The following DNAH10 variants were observed in gnomAD, a reference collection of about 807,000 sequenced individuals.
The protein encoded by DNAH10 is dynein axonemal heavy chain 10.
A neutral mutation model predicts 506.6 loss-of-function variants in DNAH10; 348 were observed. The ratio of observed to expected loss-of-function variants is 0.69; its 90% CI spans 0.63 to 0.75. The LOEUF (loss-of-function observed/expected upper bound fraction) is 0.75, where lower values mean the gene tolerates loss of function less well. Ranked by LOEUF, DNAH10 falls within the 30% of genes least tolerant of loss-of-function variation. DNAH10 has a pLI of 0.00. For synonymous variants in DNAH10, 2,059 were observed against 2,198.6 expected (o/e 0.94, Z 1.78); for missense variants, 5,179 against 5,787.1 (o/e 0.89, Z 3.41).
intron 28 of DNAH10, 33 bp from the exon 29 acceptor site, chr12:123,838,423 C>T: frequency 6.3e-7 from 1 of 1,583,206 alleles, no homozygotes; most frequent in Non-Finnish European, 8.6e-7. Context: ...CCCTGCTCAC[C>T]CTGCTTGACG....
At chr12:123,782,164 T>C (rs1251479151) in intron 6 of DNAH10, among the ~76,000 whole-genome samples, 2 of 152,142 alleles carry the variant, frequency 1.3e-5, no homozygotes, top group Non-Finnish European at 2.9e-5. Context: ...GTTTGATTGA[T>C]AGTCATATCA....
rs1447821775 is a variant in DNAH10, at chr12:123,933,613, C to A, written c.13477+102C>A. ...CAGGCATAGCGTGGGCCTAAATGGGCCAGGCCATGTTTGAAAGCCAGCCTG... is the reference window on the plus strand; with the variant it reads ...CAGGCATAGCGTGGGCCTAAATGGGACAGGCCATGTTTGAAAGCCAGCCTG... On this transcript the variant is annotated intron_variant, in intron 77 of 78. Transcript: ENST00000673944. 7 of 1,368,448 alleles carry A rather than the reference C, an allele frequency of 5.1e-6. No homozygotes were observed. The South Asian group carries it at 8.8e-5, about 17-fold the overall frequency. The allele number at this position is 1,368,448 out of a possible 1,614,324, so 84.8% of individuals were successfully genotyped here.
chr12:123,845,920 C>T lies in DNAH10; in HGVS notation c.5630+51C>T, dbSNP rs370889326. ...ATTTCAAAAGGGACCCTTTGTGGTCCGCTGATCTGTCTCAACGGTTTCCAC... is the reference window on the plus strand; with the variant it reads ...ATTTCAAAAGGGACCCTTTGTGGTCTGCTGATCTGTCTCAACGGTTTCCAC... On this transcript the variant is annotated intron_variant, in intron 31 of 78. Coordinates refer to ENST00000673944, the MANE Select transcript of DNAH10 (RefSeq NM_001372106.1). 1.7e-3 allele frequency: 2,724 copies of T among 1,612,290 alleles called. 3 individuals are homozygous for T. The highest frequency in any genetic ancestry group is 2.2e-3 in the Non-Finnish European group (2,563 of 1,178,552).
chr12:123,870,557 G>A lies in DNAH10; in HGVS notation c.7639+72G>A. ...ACTCGCTCTAGGAGGAGGCAAAGAAGATCCCATGGCTTCTCTGGTACTCTA... is the reference window on the plus strand; with the variant it reads ...ACTCGCTCTAGGAGGAGGCAAAGAAAATCCCATGGCTTCTCTGGTACTCTA... On this transcript the variant is annotated intron_variant, in intron 44 of 78. Transcript: ENST00000673944. 4 of 1,544,220 alleles carry A rather than the reference G, an allele frequency of 2.6e-6. No individual in the cohort carries two copies. In the South Asian group the frequency reaches 4.8e-5, roughly 18 times the overall value.
intron 77 of DNAH10, chr12:123,934,005 GT>G: frequency 2.0e-6 from 1 of 501,838 alleles, no homozygotes; most frequent in Non-Finnish European, 3.5e-6. Flanking sequence ...TTGTCTTAGA[GT>G]TCTTTTAACT....
chr12:123,875,273 C>G lies in DNAH10; in HGVS notation c.7981C>G (p.Leu2661Val), dbSNP rs1952207544. The G allele has an allele frequency of 2.5e-6, 4 of 1,612,514 alleles. No individual in the cohort carries two copies. Among genetic ancestry groups the G allele is most frequent in the Non-Finnish European group, 3.4e-6 (4 of 1,179,202 alleles). ...GCAGCAGCCCATTGCCTTGCTGAAG[C>G]TGCTGTTGGAAAAAGGCTACTTATA... ...GTQQPIALLK[L>V]LLEKGYLYDR... The change falls in exon 47 of 79, where the codon CTG becomes GTG. Residue 2661 changes from leucine to valine, a missense_variant. Leu to Val is a conservative substitution (Grantham distance 32). Around this residue, in one of 3 missense-constraint regions of DNAH10, gnomAD observed 4,844 missense variants for 5,430.5 expected, o/e 0.89. Transcript: ENST00000673944.
rs371664390 is a variant in DNAH10 at position 123,835,539 on chromosome 12, C to T, written c.4902+11C>T. ...AAAGTATTTAAAAGGGCAAGTGACT[C>T]GCTTCTATTTTAGTAATGAAAGAAG... On this transcript the variant is annotated intron_variant, in intron 28 of 78. Coordinates refer to ENST00000673944, the MANE Select transcript of DNAH10 (RefSeq NM_001372106.1). The T allele has an allele frequency of 8.9e-5, 142 of 1,603,550 alleles. 1 individual carries two copies. In the Admixed American group the frequency reaches 1.2e-3, roughly 14 times the overall value.
At chr12:123,764,485 G>A (rs180994747) in intron 1 of DNAH10, among the ~76,000 whole-genome samples, 81 of 152,000 alleles carry the variant, frequency 5.3e-4, no homozygotes, top group African/African-American at 1.8e-3. Context: ...CTCGGGTTTC[G>A]TTTACATTAA....
Position 123,774,208 on chromosome 12 carries a change from G to C in DNAH10, c.565G>C (p.Glu189Gln). The C allele has an allele frequency of 1.9e-6, 3 of 1,611,750 alleles. No homozygotes were observed. Among genetic ancestry groups the C allele is most frequent in the Non-Finnish European group, 2.5e-6 (3 of 1,179,334 alleles). ...EAMEIMPETLEYGIINANVLH... is the reference protein window; with the variant it reads ...EAMEIMPETLQYGIINANVLH... ...TATGGAAATTATGCCAGAAACACTG[G>C]AGTATGGAATTATAAACGCTAATGT... Residue 189 changes from glutamate to glutamine, a missense_variant, in exon 5 of 79, where the codon GAG becomes CAG. Transcript: ENST00000673944.
At position 123,791,838 on chromosome 12, in the gene DNAH10, T is replaced by C. The variant is rs185856794; in HGVS notation, c.1815+1717T>C. 3.9e-5 allele frequency among the ~76,000 whole-genome samples: 6 copies of C among 152,330 alleles called. No homozygotes were observed. In the East Asian group the frequency reaches 9.6e-4, roughly 24 times the overall value. On this transcript the variant is annotated intron_variant, in intron 11 of 78. Coordinates refer to ENST00000673944, the MANE Select transcript of DNAH10 (RefSeq NM_001372106.1). Reference sequence around the variant, plus strand: ...CTCCTACCTCAGCTTCCCAAATAAATTGAACTTTTCATCAAAGTCACTTAA... The same window carrying C: ...CTCCTACCTCAGCTTCCCAAATAAACTGAACTTTTCATCAAAGTCACTTAA...
chr12:123,800,527 A>G, intron 15 of DNAH10, 139 bp downstream of exon 15: 1 of 881,374 alleles, frequency 1.1e-6, no homozygotes, highest in Admixed American at 2.9e-5. Flanking sequence ...CCACATTAGA[A>G]ATTGAAGCTA....
chr12:123,795,073 G>A (rs1298366879), intron 12 of DNAH10, among the ~76,000 whole-genome samples: 3 of 150,012 alleles, frequency 2.0e-5, no homozygotes, highest in Admixed American at 2.0e-4. Flanking sequence ...GCTTGAACCC[G>A]GGAAGTGGAG....
At chr12:123,872,587 G>A (rs982477975) in intron 45 of DNAH10, among the ~76,000 whole-genome samples, 1 of 151,932 alleles carries the variant, frequency 6.6e-6, no homozygotes, top group Non-Finnish European at 1.5e-5. Context: ...GGAAGGCAGA[G>A]GTTCGTTCTC....
chr12:123,886,999 C>T (rs1017965270), intron 51 of DNAH10, 143 bp from the exon 52 acceptor site: 5 of 1,019,690 alleles, frequency 4.9e-6, no homozygotes, highest in Admixed American at 6.5e-5. Flanking sequence ...GAGTCCCTTC[C>T]AGACTTTTCT....
Position 123,819,249 on chromosome 12 carries a change from A to G in DNAH10, c.3999A>G (p.Lys1333=), listed in dbSNP as rs762223741. 3.1e-6 allele frequency: 5 copies of G among 1,610,378 alleles called. No homozygotes were observed. The highest frequency in any genetic ancestry group is 1.1e-5 in the South Asian group (1 of 90,160). The change falls in exon 23 of 79, where the codon AAA becomes AAG. Residue 1333 remains lysine (K), a splice_region_variant and synonymous_variant. Transcript: ENST00000673944. The stretch of plus-strand genomic sequence containing the variant: ...GTTCTGTTGGTGATGATCTTGATAA[A>G]GGTAAGAATGTTCCTGTTGGTCTTA... ...GPGSVGDDLD[K]GVELLGVYER...
chr12:123,824,801 C>T (rs774215158), intron 24 of DNAH10, among the ~76,000 whole-genome samples: 24 of 152,044 alleles, frequency 1.6e-4, no homozygotes, highest in Admixed American at 4.6e-4. Context: ...TCTTCTTATA[C>T]GGACACCAGT....
chr12:123,930,206 C>A, intron 72 of DNAH10, 196 bp from the exon 73 acceptor site: 1 of 549,764 alleles, frequency 1.8e-6, no homozygotes, highest in Non-Finnish European at 3.1e-6. Flanking sequence ...GGCCCTATCC[C>A]TTGGGAAGCC....
intron 49 of DNAH10, 88 bp from the exon 50 acceptor site, chr12:123,879,546 G>T: frequency 1.3e-6 from 2 of 1,549,490 alleles, no homozygotes; most frequent in Non-Finnish European, 1.7e-6. Flanking sequence ...AATTATTTTA[G>T]ATAATAGTAC....
chr12:123,847,652 A>G (rs1215154690), intron 32 of DNAH10, among the ~76,000 whole-genome samples: 2 of 151,940 alleles, frequency 1.3e-5, no homozygotes, highest in African/African-American at 2.4e-5. Flanking sequence ...GGCAGCACCA[A>G]TGTAACCTCC....
Sources: allele counts gnomAD v4.1 joint callset (sites outside exome capture counted in the v4.1 genomes callset), GRCh38; gene constraint gnomAD v4.1.1; regional missense constraint gnomAD v4.1.1; transcripts MANE v1.5; gene names NCBI Gene and HGNC (gene_info 2026-07-23, HGNC 2026-07-21).